The following SDC2 variants were observed in gnomAD, a reference collection of about 807,000 sequenced individuals.
SDC2 encodes the protein syndecan 2, also known as syndecan-2.
In SDC2, 13 loss-of-function variants were observed where a neutral mutation model predicts 22.2. The observed-to-expected ratio is 0.59, with a 90% CI of 0.38 to 0.93. The LOEUF (loss-of-function observed/expected upper bound fraction) is 0.93, where lower values mean the gene tolerates loss of function less well. Among genes scored for constraint, SDC2 ranks in the 40% least tolerant of loss-of-function variants. The pLI, the probability that SDC2 is intolerant of heterozygous loss-of-function variation, is 0.00. For missense variants in SDC2, 235 were observed against 246.8 expected (o/e 0.95, Z 0.32); for synonymous variants, 94 against 92.8 (o/e 1.01, Z -0.07).
chr8:96,575,307 T>C (rs1185368827), intron 1 of SDC2, among the ~76,000 whole-genome samples: 7 of 145,566 alleles, frequency 4.8e-5, no homozygotes, highest in African/African-American at 1.8e-4. Flanking sequence ...CTGAAAGAAT[T>C]GTGAGATCCA....
intron 1 of SDC2, among the ~76,000 whole-genome samples, chr8:96,561,447 G>A (rs2130562122): frequency 6.6e-6 from 1 of 152,290 alleles, no homozygotes; most frequent in East Asian, 1.9e-4. Flanking sequence ...ACATTTTAGA[G>A]CGCTTGTATA....
chr8:96,494,135 G>GCTAGCAGA lies in SDC2; in HGVS notation c.-137_-136insCTAGCAGA. On this transcript the variant is annotated 5_prime_UTR_variant, in exon 1 of 5. Coordinates refer to ENST00000302190, the MANE Select transcript of SDC2 (RefSeq NM_002998.4). ...GAGCGCCCCCGAGCCCCGAGCCCGA[G>GCTAGCAGA]TCCCCGAGCCTGAGCCGCAATCGCT... 1 of 848,064 alleles carries GCTAGCAGA rather than the reference G, an allele frequency of 1.2e-6. No individual in the cohort carries two copies. Among genetic ancestry groups the GCTAGCAGA allele is most frequent in the Non-Finnish European group, 1.8e-6 (1 of 570,584 alleles). The allele number at this position is 848,064 out of a possible 1,614,324, so 52.5% of individuals were successfully genotyped here.
At chr8:96,585,268 AGTTGTCTCT>A (rs1256661344) in intron 1 of SDC2, among the ~76,000 whole-genome samples, 11 of 152,330 alleles carry the variant, frequency 7.2e-5, no homozygotes, top group African/African-American at 2.4e-4. Flanking sequence ...GCTTTTAATT[AGTTGTCTCT>A]GTAATTATTT....
At chr8:96,607,265 G>A (rs1815097107) in intron 3 of SDC2, among the ~76,000 whole-genome samples, 2 of 152,146 alleles carry the variant, frequency 1.3e-5, no homozygotes, top group Non-Finnish European at 2.9e-5. Flanking sequence ...GTGAGGACTG[G>A]AAGCTACCCA....
intron 2 of SDC2, 61 bp from the exon 3 acceptor site, chr8:96,602,334 G>A: frequency 6.4e-7 from 1 of 1,562,850 alleles, no homozygotes. Flanking sequence ...AATAGTGCCT[G>A]ATAATGGAGA....
intron 1 of SDC2, among the ~76,000 whole-genome samples, chr8:96,509,663 G>T (rs2130438058): frequency 1.0e-5 from 1 of 96,240 alleles, no homozygotes; most frequent in Middle Eastern, 5.0e-3. Context: ...AGCTCCCTGT[G>T]AAAGCTTATT....
rs567190918 is a variant in SDC2, at chr8:96,593,681, G to T, written c.172+90G>T. 611 of 835,492 alleles carry T rather than the reference G, an allele frequency of 7.3e-4. 12 individuals carry two copies. In the South Asian group the frequency reaches 8.7e-3, roughly 12 times the overall value. The allele number at this position is 835,492 out of a possible 1,614,324, so 51.8% of individuals were successfully genotyped here. Reference sequence around the variant, plus strand: ...GTGCTTACTTCAAGGAGACAGGCAGGATGCACAGTGGTTAAGGGCACCGTC... The same window carrying T: ...GTGCTTACTTCAAGGAGACAGGCAGTATGCACAGTGGTTAAGGGCACCGTC... On this transcript the variant is annotated intron_variant, in intron 2 of 4. Transcript: ENST00000302190.
At chr8:96,593,684 G>A in intron 2 of SDC2, 93 bp downstream of exon 2, 3 of 817,396 alleles carry the variant, frequency 3.7e-6, no homozygotes, top group Non-Finnish European at 4.1e-6. Flanking sequence ...CAGGCAGGAT[G>A]CACAGTGGTT....
intron 1 of SDC2, among the ~76,000 whole-genome samples, chr8:96,510,172 A>G (rs575002351): frequency 1.3e-5 from 2 of 152,206 alleles, no homozygotes; most frequent in Non-Finnish European, 2.9e-5. Flanking sequence ...GAAAAATTGC[A>G]TGTTTTACTG....
At chr8:96,599,193 G>GGCCTCC (rs1261739536) in intron 2 of SDC2, among the ~76,000 whole-genome samples, 1 of 151,926 alleles carries the variant, frequency 6.6e-6, no homozygotes, top group Non-Finnish European at 1.5e-5. Flanking sequence ...CACCGGCCTC[G>GGCCTCC]GCCTCCCAAA....
At chr8:96,503,183 C>G (rs1813191474) in intron 1 of SDC2, among the ~76,000 whole-genome samples, 1 of 152,140 alleles carries the variant, frequency 6.6e-6, no homozygotes, top group Admixed American at 6.5e-5. Flanking sequence ...TCATCTTTCC[C>G]AGTAATTTTA....
chr8:96,591,203 T>C (rs887751370), intron 1 of SDC2, among the ~76,000 whole-genome samples: 5 of 152,166 alleles, frequency 3.3e-5, no homozygotes, highest in African/African-American at 9.7e-5. Context: ...TCAAACTTCA[T>C]TGACAGAGCC....
chr8:96,602,325 A>C, intron 2 of SDC2, 70 bp from the exon 3 acceptor site: 1 of 1,471,370 alleles, frequency 6.8e-7, no homozygotes, highest in Non-Finnish European at 9.4e-7. Flanking sequence ...ACGTCAGGCA[A>C]TAGTGCCTGA....
intron 1 of SDC2, among the ~76,000 whole-genome samples, chr8:96,528,444 G>T (rs977559470): frequency 6.6e-6 from 1 of 152,060 alleles, no homozygotes; most frequent in African/African-American, 2.4e-5. Flanking sequence ...GAAAGATTTA[G>T]AAAATGCAAA....
In SDC2 at chr8:96,606,192, T is replaced by C. The variant is rs571577447; in HGVS notation, c.307-2143T>C. ...AGGCTAGAATGCAGTGGCACAATTA[T>C]AGCTCACCGCAGCCTCCAACTCCTG... On this transcript the variant is annotated intron_variant, in intron 3 of 4. Transcript: ENST00000302190. Among the ~76,000 whole-genome samples, 19 of 152,220 alleles carry C rather than the reference T, an allele frequency of 1.2e-4. No homozygotes were observed. The East Asian group carries it at 2.7e-3, about 22-fold the overall frequency.
At chr8:96,581,698 A>G (rs1462326558) in intron 1 of SDC2, among the ~76,000 whole-genome samples, 1 of 152,022 alleles carries the variant, frequency 6.6e-6, no homozygotes, top group Non-Finnish European at 1.5e-5. Context: ...ATGTCTTCAT[A>G]TATAGATTCT....
intron 1 of SDC2, among the ~76,000 whole-genome samples, chr8:96,509,427 G>A (rs1345152295): frequency 3.5e-5 from 5 of 142,340 alleles, no homozygotes; most frequent in African/African-American, 1.3e-4. Flanking sequence ...AGATCAGGAG[G>A]ACAGACCGAT....
intron 1 of SDC2, among the ~76,000 whole-genome samples, chr8:96,574,804 C>T (rs894943473): frequency 6.6e-6 from 1 of 152,120 alleles, no homozygotes; most frequent in Non-Finnish European, 1.5e-5. Flanking sequence ...AAATGTATTG[C>T]GTTACCTGTA....
chr8:96,531,797 G>A (rs926895540), intron 1 of SDC2, among the ~76,000 whole-genome samples: 3 of 152,208 alleles, frequency 2.0e-5, no homozygotes, highest in African/African-American at 7.2e-5. Flanking sequence ...ACTGATTCTA[G>A]TGTAATGAGG....
Sources: allele counts gnomAD v4.1 joint callset (sites outside exome capture counted in the v4.1 genomes callset), GRCh38; gene constraint gnomAD v4.1.1; transcripts MANE v1.5; gene names NCBI Gene and HGNC (gene_info 2026-07-23, HGNC 2026-07-21).